Variants in OR2L3 observed in about 807,000 individuals in gnomAD.
OR2L3 encodes the protein olfactory receptor family 2 subfamily L member 3, also known as olfactory receptor 2L3.
For synonymous variants in OR2L3, 131 were observed against 139.1 expected, an observed-to-expected ratio of 0.94 and a Z score of 0.41; for missense variants, 369 against 376.6, an observed-to-expected ratio of 0.98 and a Z score of 0.17.
At chr1:248,056,963 A>G (rs1419511238) in intron 1 of OR2L3, among the ~76,000 whole-genome samples, 3 of 151,980 alleles carry the variant, frequency 2.0e-5, no homozygotes, top group Non-Finnish European at 4.4e-5. Flanking sequence ...AGGGGGCTTT[A>G]ATCTTGAGTT....
chr1:248,048,923 C>CTTTTTT (rs140115140), intron 1 of OR2L3, among the ~76,000 whole-genome samples: 2 of 141,694 alleles, frequency 1.4e-5, no homozygotes, highest in Admixed American at 7.1e-5. Flanking sequence ...TTCTCTCTCT[C>CTTTTTT]TTTTTTTTTT....
intron 1 of OR2L3, among the ~76,000 whole-genome samples, chr1:248,060,329 A>G (rs987291018): frequency 6.6e-6 from 1 of 152,148 alleles, no homozygotes; most frequent in Non-Finnish European, 1.5e-5. Flanking sequence ...AAAAATTAAG[A>G]TTTCTCTTTC....
intron 1 of OR2L3, 79 bp from the exon 2 acceptor site, chr1:248,060,582 T>C: frequency 1.1e-6 from 1 of 909,788 alleles, no homozygotes; most frequent in Non-Finnish European, 1.7e-6. Context: ...TCTCAAGAAT[T>C]TACTGAGGGG....
At chr1:248,049,016 A>G (rs1025607427) in intron 1 of OR2L3, among the ~76,000 whole-genome samples, 1 of 151,904 alleles carries the variant, frequency 6.6e-6, no homozygotes, top group African/African-American at 2.4e-5. Context: ...TGTGATGAAT[A>G]ATAATTTTTT....
chr1:248,052,599 C>A (rs1205720634), intron 1 of OR2L3, among the ~76,000 whole-genome samples: 7 of 151,914 alleles, frequency 4.6e-5, no homozygotes, highest in Non-Finnish European at 8.8e-5. Flanking sequence ...GGCGTGGTGG[C>A]GGGCACCTGT....
At chr1:248,060,313 C>G (rs10888311) in intron 1 of OR2L3, among the ~76,000 whole-genome samples, 107,454 of 151,922 alleles carry the variant, frequency 0.71, 42,278 homozygotes, top group South Asian at 0.9. Context: ...ATGTAAAACT[C>G]TAGGTAAAAA....
In OR2L3 at chr1:248,062,909, G is replaced by T. The variant is rs1267588230; in HGVS notation, c.*1289G>T. On this transcript the variant is annotated 3_prime_UTR_variant, in exon 2 of 2. Transcript: ENST00000359959. ...AAAATAAAAGAACCAGTTCACTGTA[G>T]ATATATGGATTTATTTCTGGGTTCT... is the stretch of plus-strand genomic sequence containing the variant. 6.6e-6 allele frequency: 1 copy of T among 152,084 alleles called. No individual in the cohort carries two copies. Among genetic ancestry groups the T allele is most frequent in the Non-Finnish European group, 1.5e-5 (1 of 68,012 alleles). The allele number at this position is 152,084 out of a possible 1,614,324, so 9.4% of individuals were successfully genotyped here.
At chr1:248,058,745 A>G (rs1234162045) in intron 1 of OR2L3, among the ~76,000 whole-genome samples, 2 of 152,040 alleles carry the variant, frequency 1.3e-5, no homozygotes, top group African/African-American at 4.8e-5. Flanking sequence ...AAAATTTTTA[A>G]AGAATATTAA....
At chr1:248,050,314 C>A (rs569862715) in intron 1 of OR2L3, among the ~76,000 whole-genome samples, 1 of 151,302 alleles carries the variant, frequency 6.6e-6, no homozygotes, top group Admixed American at 6.6e-5. Flanking sequence ...GGCTAAAATA[C>A]CTTCCTTATA....
At position 248,062,785 on chromosome 1, in the gene OR2L3, C is replaced by A. The variant is rs887924729; in HGVS notation, c.*1165C>A. 1.2e-4 allele frequency: 18 copies of A among 152,022 alleles called. No individual in the cohort carries two copies. The highest frequency in any genetic ancestry group is 4.3e-4 in the African/African-American group (18 of 41,384). 9.4% of individuals were successfully genotyped at this position (152,022 alleles called of 1,614,324 possible). A position where few individuals can be genotyped will look rare whatever the true frequency, so the allele number is the denominator to read the frequency against. On this transcript the variant is annotated 3_prime_UTR_variant, in exon 2 of 2. Transcript: ENST00000359959. ...TAACCATATTTGAGGTGATGGTTACCCCGATTAACCCGATTTGATCATTAT... is the reference window on the plus strand; with the variant it reads ...TAACCATATTTGAGGTGATGGTTACACCGATTAACCCGATTTGATCATTAT...
intron 1 of OR2L3, among the ~76,000 whole-genome samples, chr1:248,050,903 T>C (rs1663242708): frequency 6.6e-6 from 1 of 152,202 alleles, no homozygotes; most frequent in Non-Finnish European, 1.5e-5. Context: ...AATAAATTGC[T>C]CTGCCATGGC....
chr1:248,061,209 C>A lies in OR2L3; in HGVS notation c.528C>A (p.Phe176Leu), dbSNP rs761253989. ...GCCAATCCAGGGCCATCAATCATTT[C>A]TTCTGTGATGTCCCAGCAATGGTGA... ...PYCQSRAINH[F>L]FCDVPAMVTL... The change falls in exon 2 of 2, where the codon TTC (phenylalanine) becomes TTA (leucine). Residue 176 changes from phenylalanine (F) to leucine (L), a missense_variant. By Grantham distance (22) the Phe-to-Leu change is conservative (BLOSUM62 0). Transcript: ENST00000359959. 7.4e-6 allele frequency: 12 copies of A among 1,612,158 alleles called. No individual in the cohort carries two copies. The highest frequency in any genetic ancestry group is 3.3e-4 in the Middle Eastern group (2 of 6,062).
chr1:248,051,188 G>C (rs1040037805), intron 1 of OR2L3: 1 of 151,790 alleles, frequency 6.6e-6, no homozygotes, highest in Non-Finnish European at 1.5e-5. Context: ...TATCCTCCAG[G>C]GTCCACCATT....
At chr1:248,053,011 A>T (rs1228964107) in intron 1 of OR2L3, among the ~76,000 whole-genome samples, 1 of 152,040 alleles carries the variant, frequency 6.6e-6, no homozygotes, top group Non-Finnish European at 1.5e-5. Context: ...TTTCATGGGT[A>T]AACGTGTGCC....
At position 248,060,975 on chromosome 1, in the gene OR2L3, T is replaced by G. The variant is rs1663609443; in HGVS notation, c.294T>G (p.Ile98Met). ...NKSISFTGCGIQSFFFSALGG... is the reference protein window; with the variant it reads ...NKSISFTGCGMQSFFFSALGG... ...CTATCTCCTTCACTGGGTGTGGGAT[T>G]CAGAGTTTCTTCTTCTCGGCATTAG... The change falls in exon 2 of 2, where the codon ATT becomes ATG. Residue 98 changes from isoleucine to methionine, a missense_variant. Coordinates refer to ENST00000359959, the MANE Select transcript of OR2L3 (RefSeq NM_001004687.2). 2 of 1,614,038 alleles carry G rather than the reference T, an allele frequency of 1.2e-6. No homozygotes were observed. The highest frequency in any genetic ancestry group is 1.3e-5 in the African/African-American group (1 of 75,034).
At chr1:248,053,275 G>A (rs1572700503) in intron 1 of OR2L3, among the ~76,000 whole-genome samples, 2 of 152,146 alleles carry the variant, frequency 1.3e-5, no homozygotes, top group Non-Finnish European at 2.9e-5. Context: ...CCTTGCAAAG[G>A]ACATGATCTT....
At chr1:248,052,600 G>A (rs1265988517) in intron 1 of OR2L3, among the ~76,000 whole-genome samples, 10 of 151,932 alleles carry the variant, frequency 6.6e-5, no homozygotes, top group African/African-American at 2.2e-4. Flanking sequence ...GCGTGGTGGC[G>A]GGCACCTGTA....
intron 1 of OR2L3, among the ~76,000 whole-genome samples, chr1:248,059,895 C>T (rs1663567760): frequency 6.6e-6 from 1 of 152,010 alleles, no homozygotes. Flanking sequence ...AGAAAGTTAA[C>T]TAGGTATGGT....
At chr1:248,060,546 T>C in intron 1 of OR2L3, 115 bp from the exon 2 acceptor site, 1 of 684,448 alleles carries the variant, frequency 1.5e-6, no homozygotes, top group Non-Finnish European at 2.6e-6. Context: ...AATAATAGTG[T>C]ATATAGGGCT....
Sources: allele counts gnomAD v4.1 joint callset (sites outside exome capture counted in the v4.1 genomes callset), GRCh38; gene constraint gnomAD v4.1.1; transcripts MANE v1.5; gene names NCBI Gene and HGNC (gene_info 2026-07-23, HGNC 2026-07-21).